KCNN1: variants seen among roughly 807,000 people sequenced by gnomAD.
KCNN1 encodes the protein potassium calcium-activated channel subfamily N member 1, also known as small conductance calcium-activated potassium channel protein 1.
Under a neutral mutation model 44.7 loss-of-function variants are expected in KCNN1, and 20 were observed. The observed-to-expected ratio is 0.45, with a 90% CI of 0.32 to 0.65. The LOEUF (loss-of-function observed/expected upper bound fraction) is 0.65. Ranked by LOEUF, KCNN1 falls within the 30% of genes least tolerant of loss-of-function variation. The pLI is 0.05. For synonymous variants in KCNN1, 324 were observed against 341.7 expected, an observed-to-expected ratio of 0.95 and a Z score of 0.57; for missense variants, 632 against 785.3, an observed-to-expected ratio of 0.80 and a Z score of 2.33.
chr19:17,998,506 A>G lies in KCNN1; in HGVS notation c.*100A>G, dbSNP rs2033082630. On this transcript the variant is annotated 3_prime_UTR_variant, in exon 10 of 10. Coordinates refer to ENST00000684775, the MANE Select transcript of KCNN1 (RefSeq NM_001386974.1). The surrounding 1 kb of genome is among the most constrained non-coding windows in gnomAD (Gnocchi z 5.4). ...GCGCCTCTTGGAGTTCAAGAAGCCA[A>G]CGCTGAGTCAGGCTGAGTGGACTGA... 1.7e-6 allele frequency: 2 copies of G among 1,198,656 alleles called. No individual in the cohort carries two copies. The highest frequency in any genetic ancestry group is 2.7e-5 in the East Asian group (1 of 37,264). 74.3% of individuals were successfully genotyped at this position (1,198,656 alleles called of 1,614,324 possible).
upstream of KCNN1, among the ~76,000 whole-genome samples, chr19:17,966,610 T>C (rs2031815922): frequency 6.6e-6 from 1 of 152,052 alleles, no homozygotes; most frequent in South Asian, 2.1e-4. Flanking sequence ...TGCCCCAGCA[T>C]GTACCCAGTC....
At chr19:17,990,275 A>G (rs897792623) in intron 7 of KCNN1, among the ~76,000 whole-genome samples, 9 of 148,718 alleles carry the variant, frequency 6.1e-5, no homozygotes, top group African/African-American at 2.2e-4. Flanking sequence ...GCTTGAGTCC[A>G]GGAGTTCAAC....
intron 1 of KCNN1, among the ~76,000 whole-genome samples, chr19:17,970,988 A>G (rs979541263): frequency 3.3e-5 from 5 of 151,204 alleles, no homozygotes; most frequent in East Asian, 3.9e-4. Flanking sequence ...AGTTCAAGCT[A>G]TTCTCCTGCC....
chr19:17,987,836 CAAAAAAAAAAAAA>C (rs973068020), intron 5 of KCNN1, among the ~76,000 whole-genome samples: 2 of 54,580 alleles, frequency 3.7e-5, no homozygotes, highest in African/African-American at 6.8e-5. Flanking sequence ...ATATCGCTAC[CAAAAAAAAAAAAA>C]AAAAAAAACA....
Position 17,998,301 on chromosome 19 carries a change from A to ACCCCCCCCC in KCNN1, c.1532_1533insCCCCCCCCC (p.Pro511_Pro513dup). On this transcript the variant is annotated inframe_insertion, in exon 10 of 10. Coordinates refer to ENST00000684775, the MANE Select transcript of KCNN1 (RefSeq NM_001386974.1). This position sits in a 1 kb window ranked among gnomAD's most constrained non-coding sequence, Gnocchi z 5.4. ...GCCTCATCGCCCAAGCCATACGCCC[A>ACCCCCCCCC]CCCCCGCCTCCCCTGCCTCCCAGGC... 3 of 1,510,728 alleles carry ACCCCCCCCC rather than the reference A, an allele frequency of 2.0e-6. No homozygotes were observed. The highest frequency in any genetic ancestry group is 1.8e-6 in the Non-Finnish European group (2 of 1,132,690). 93.6% of individuals were successfully genotyped at this position (1,510,728 alleles called of 1,614,324 possible).
intron 6 of KCNN1, 121 bp from the exon 7 acceptor site, chr19:17,989,595 C>T: frequency 7.1e-7 from 1 of 1,413,164 alleles, no homozygotes; most frequent in Non-Finnish European, 9.9e-7. Flanking sequence ...TGCCTTATAG[C>T]CCAGGGACCC....
At chr19:17,989,042 G>C (rs2032698323) in intron 6 of KCNN1, among the ~76,000 whole-genome samples, 2 of 152,140 alleles carry the variant, frequency 1.3e-5, no homozygotes, top group South Asian at 4.1e-4. Context: ...TAAGAGGCTT[G>C]AGCCAGACCG....
At chr19:17,969,361 G>A (rs565086801) in intron 1 of KCNN1, among the ~76,000 whole-genome samples, 37 of 152,268 alleles carry the variant, frequency 2.4e-4, no homozygotes, top group Admixed American at 3.9e-4. Context: ...TCTGTCTCCC[G>A]TCTGTAAAAT....
chr19:17,952,351 G>T (rs1176200578), intron 1 of KCNN1: 1 of 152,498 alleles, frequency 6.6e-6, no homozygotes, highest in Admixed American at 6.5e-5. Context: ...GAGTGGCAGT[G>T]GGGGGCACGG....
intron 1 of KCNN1, among the ~76,000 whole-genome samples, chr19:17,970,289 ATTTTTTTTTTTTTTTTTTTTTTTTT>A (rs71164333): frequency 2.0e-3 from 112 of 56,928 alleles, no homozygotes; most frequent in East Asian, 0.013. Context: ...AGAAGGAATG[ATTTTTTTTTTTTTTTTTTTTTTTTT>A]TTTTTTTTTT....
intron 1 of KCNN1, among the ~76,000 whole-genome samples, chr19:17,971,856 A>C (rs1400181101): frequency 6.6e-6 from 1 of 151,890 alleles, no homozygotes; most frequent in Non-Finnish European, 1.5e-5. Flanking sequence ...ATTAGGATTC[A>C]GGAGAACATT....
chr19:17,961,196 A>C (rs1423503902), intron 2 of KCNN1, among the ~76,000 whole-genome samples: 2 of 151,124 alleles, frequency 1.3e-5, no homozygotes, highest in Admixed American at 6.6e-5. Flanking sequence ...AAAAAAAAAA[A>C]AAAAAAAAAA....
intron 2 of KCNN1, among the ~76,000 whole-genome samples, chr19:17,956,087 G>A (rs1388201579): frequency 1.1e-4 from 16 of 152,034 alleles, no homozygotes; most frequent in African/African-American, 2.7e-4. Context: ...ACAGGCATGC[G>A]TCACCACGCA....
At chr19:17,962,355 A>G (rs994100258), upstream of KCNN1, among the ~76,000 whole-genome samples, 7 of 152,100 alleles carry the variant, frequency 4.6e-5, no homozygotes, top group African/African-American at 1.7e-4. Context: ...ACCGGGAAGG[A>G]TCAGGCCCAG....
upstream of KCNN1, among the ~76,000 whole-genome samples, chr19:17,966,019 GCCTGCCTTCCTTCCTTCCTTCCTT>G (rs1274843496): frequency 1.7e-3 from 228 of 132,118 alleles, no homozygotes; most frequent in Non-Finnish European, 2.8e-3. Context: ...CTGCCTGCCT[GCCTGCCTTCCTTCCTTCCTTCCTT>G]CCTTCCTTCC....
At position 17,993,783 on chromosome 19, in the gene KCNN1, C is replaced by T. The variant is rs929147481; in HGVS notation, c.1377+224C>T. 1.3e-5 allele frequency among the ~76,000 whole-genome samples: 2 copies of T among 151,886 alleles called. No individual in the cohort carries two copies. The highest frequency in any genetic ancestry group is 2.4e-5 in the African/African-American group (1 of 41,336). ...ACAATTAGCCAGGCGTGGTGGCGGG[C>T]GCCTTTAATCCCAGCTACTTGGGGG... On this transcript the variant is annotated intron_variant, in intron 9 of 9. Coordinates refer to ENST00000684775, the MANE Select transcript of KCNN1 (RefSeq NM_001386974.1). The surrounding 1 kb of genome is among the most constrained non-coding windows in gnomAD (Gnocchi z 4.5).
At chr19:17,978,891 C>A (rs568305950) in intron 3 of KCNN1, among the ~76,000 whole-genome samples, 3 of 151,052 alleles carry the variant, frequency 2.0e-5, no homozygotes, top group East Asian at 2.0e-4. Flanking sequence ...ACCGTCTCTA[C>A]ACAAAAATTT....
intron 1 of KCNN1, among the ~76,000 whole-genome samples, chr19:17,952,589 C>T (rs1396511499): frequency 6.6e-6 from 1 of 152,156 alleles, no homozygotes. Context: ...ACATCCCCCT[C>T]CCTCCGCGAG....
rs186870051 is a variant in KCNN1, at chr19:17,973,085, A to G, written c.-81-723A>G. Among the ~76,000 whole-genome samples, 287 of 152,306 alleles carry G rather than the reference A, an allele frequency of 1.9e-3. 1 individual carries two copies. The highest frequency in any genetic ancestry group is 6.8e-3 in the African/African-American group (283 of 41,576). On this transcript the variant is annotated intron_variant, in intron 1 of 9. Coordinates refer to ENST00000684775, the MANE Select transcript of KCNN1 (RefSeq NM_001386974.1). ...GAAGGACGAGATAGGTGGGAACCAG[A>G]TACAGAGGGCCCCTTGGCCATAGTG...
Sources: gnomAD v4.1 joint callset for allele counts (sites outside exome capture counted in the v4.1 genomes callset) on GRCh38, gnomAD v4.1.1 for gene constraint, Gnocchi (gnomAD v3.1) non-coding constraint, MANE v1.5 for transcripts, NCBI Gene and HGNC (gene_info 2026-07-23, HGNC 2026-07-21) for gene names.